The following STX2 variants were observed in gnomAD, a reference collection of about 807,000 sequenced individuals.
The protein encoded by STX2 is syntaxin 2.
In STX2, 27 loss-of-function variants were observed where a neutral mutation model predicts 40.6. That is an observed-to-expected ratio of 0.66 (90% CI 0.49 to 0.92). The LOEUF is 0.92. Among genes scored for constraint, STX2 ranks in the 40% least tolerant of loss-of-function variants. The pLI, the probability that STX2 is intolerant of heterozygous loss-of-function variation, is 0.00. For synonymous variants in STX2, 123 were observed against 119.1 expected (o/e 1.03, Z -0.22); for missense variants, 328 against 366.1 (o/e 0.90, Z 0.85).
intron 3 of STX2, among the ~76,000 whole-genome samples, chr12:130,818,357 A>G: frequency 7.1e-6 from 1 of 141,152 alleles, no homozygotes; most frequent in Non-Finnish European, 1.5e-5. Flanking sequence ...CGCCTGGTCG[A>G]CACAGGGAGA....
chr12:130,808,801 C>G, intron 4 of STX2, 97 bp from the exon 5 acceptor site: 1 of 1,027,340 alleles, frequency 9.7e-7, no homozygotes, highest in East Asian at 2.4e-5. Flanking sequence ...TTTGAAGTAT[C>G]TTTATAAAAC....
At chr12:130,828,993 A>C (rs1952448951) in intron 1 of STX2, among the ~76,000 whole-genome samples, 2 of 152,224 alleles carry the variant, frequency 1.3e-5, no homozygotes, top group Non-Finnish European at 2.9e-5. Context: ...CCACTCCAAA[A>C]ACCAAAACAG....
intron 3 of STX2, among the ~76,000 whole-genome samples, chr12:130,820,794 G>T (rs1449629073): frequency 6.6e-6 from 1 of 152,166 alleles, no homozygotes; most frequent in Non-Finnish European, 1.5e-5. Context: ...CCACAGCACC[G>T]CACAGACCGG....
chr12:130,801,096 G>A, intron 8 of STX2, 57 bp downstream of exon 8: 3 of 1,554,050 alleles, frequency 1.9e-6, no homozygotes, highest in Non-Finnish European at 2.6e-6. Flanking sequence ...GTGGGATGCA[G>A]TAAGATTTTA....
intron 1 of STX2, among the ~76,000 whole-genome samples, chr12:130,835,860 G>T (rs57407220): frequency 5.4e-4 from 82 of 151,842 alleles, no homozygotes; most frequent in African/African-American, 2.0e-3. Context: ...TCACTGGTTA[G>T]AAACTACATC....
At chr12:130,807,194 C>T in intron 5 of STX2, 104 bp from the exon 6 acceptor site, 1 of 1,086,196 alleles carries the variant, frequency 9.2e-7, no homozygotes, top group Non-Finnish European at 1.4e-6. Context: ...TGTTATTCTG[C>T]TCCTGCAAAT....
intron 4 of STX2, chr12:130,812,117 T>A: frequency 4.1e-6 from 1 of 242,792 alleles, no homozygotes. Flanking sequence ...AGGGAGAATC[T>A]CATTTTTAAA....
intron 3 of STX2, among the ~76,000 whole-genome samples, chr12:130,818,894 C>G (rs1255731203): frequency 2.6e-5 from 4 of 152,226 alleles, no homozygotes; most frequent in African/African-American, 9.6e-5. Flanking sequence ...AAACCCAAAC[C>G]AGAATCACAC....
intron 3 of STX2, 121 bp from the exon 4 acceptor site, chr12:130,813,152 A>G: frequency 3.3e-6 from 2 of 612,810 alleles, no homozygotes; most frequent in African/African-American, 3.9e-5. Flanking sequence ...TTTTTTCTGT[A>G]AGAAAAACTA....
chr12:130,824,043 C>T (rs1164741106), intron 2 of STX2, among the ~76,000 whole-genome samples: 2 of 152,076 alleles, frequency 1.3e-5, no homozygotes, highest in Non-Finnish European at 2.9e-5. Flanking sequence ...TCTTAGGGAC[C>T]CCAGGGACTC....
intron 9 of STX2, 125 bp from the exon 10 acceptor site, chr12:130,796,245 G>A (rs1313847939): frequency 1.6e-6 from 2 of 1,261,566 alleles, no homozygotes; most frequent in East Asian, 2.6e-5. Context: ...TGTAATCTCA[G>A]CACTTTGGGA....
chr12:130,803,853 T>C (rs1593128901), intron 6 of STX2, among the ~76,000 whole-genome samples: 1 of 152,224 alleles, frequency 6.6e-6, no homozygotes, highest in East Asian at 1.9e-4. Flanking sequence ...AAACTGGGTT[T>C]TCCTTAAGCT....
At chr12:130,818,185 A>AAAAATATATATATATATATAT in intron 3 of STX2, among the ~76,000 whole-genome samples, 16 of 70,526 alleles carry the variant, frequency 2.3e-4, no homozygotes, top group African/African-American at 5.9e-4. Context: ...AAAAAAAAAA[A>AAAAATATATATATATATATAT]ATATATATAT....
chr12:130,792,006 C>A (rs1950890761), intron 10 of STX2, 29 bp from the exon 11 acceptor site: 2 of 1,492,894 alleles, frequency 1.3e-6, no homozygotes, highest in African/African-American at 2.8e-5. Context: ...CATTAATTTG[C>A]AATGTATCAA....
chr12:130,811,696 C>T (rs1376057259), intron 4 of STX2, among the ~76,000 whole-genome samples: 4 of 151,914 alleles, frequency 2.6e-5, no homozygotes, highest in Admixed American at 6.6e-5. Context: ...CCCGCCACTG[C>T]GCCCAGCTAA....
chr12:130,823,985 T>TA (rs1952208063), intron 2 of STX2, among the ~76,000 whole-genome samples: 1 of 152,200 alleles, frequency 6.6e-6, no homozygotes, highest in Non-Finnish European at 1.5e-5. Flanking sequence ...ATGATCATCT[T>TA]AGTATTACTT....
chr12:130,814,444 G>A (rs1489139065), intron 3 of STX2, among the ~76,000 whole-genome samples: 1 of 151,916 alleles, frequency 6.6e-6, no homozygotes, highest in Non-Finnish European at 1.5e-5. Context: ...GGCAGAAGAA[G>A]GGTCTATGGC....
At chr12:130,823,206 G>A (rs1421917817) in intron 2 of STX2, among the ~76,000 whole-genome samples, 1 of 152,226 alleles carries the variant, frequency 6.6e-6, no homozygotes, top group Admixed American at 6.5e-5. Flanking sequence ...CAGCCACTCA[G>A]GAGGCTGAGG....
chr12:130,818,383 G>A (rs990584102), intron 3 of STX2, among the ~76,000 whole-genome samples: 1 of 150,272 alleles, frequency 6.7e-6, no homozygotes, highest in African/African-American at 2.5e-5. Context: ...CTGGAGGGTG[G>A]GGGGGAGAGG....
Sources: allele counts gnomAD v4.1 joint callset (sites outside exome capture counted in the v4.1 genomes callset), GRCh38; gene constraint gnomAD v4.1.1; transcripts MANE v1.5; gene names NCBI Gene and HGNC (gene_info 2026-07-23, HGNC 2026-07-21).